The following SESN1 variants were observed in gnomAD, a reference collection of about 807,000 sequenced individuals.
The protein encoded by SESN1 is sestrin-1.
SESN1 carries 30 observed loss-of-function variants against 59.3 expected under a neutral mutation model. The observed-to-expected ratio is 0.51, with a 90% confidence interval of 0.38 to 0.69. The LOEUF (loss-of-function observed/expected upper bound fraction) is 0.69. Ranked by LOEUF, SESN1 falls within the 30% of genes least tolerant of loss-of-function variation. The probability of loss-of-function intolerance (pLI) is 0.00; values close to 1 mark genes in which losing one functional copy is unlikely to be tolerated. For missense variants in SESN1, 566 were observed against 673.0 expected, an observed-to-expected ratio of 0.84 and a Z score of 1.76; for synonymous variants, 197 against 219.9, an observed-to-expected ratio of 0.90 and a Z score of 0.92.
At position 108,998,569 on chromosome 6, in the gene SESN1, T is replaced by C. The variant is rs1779547880; in HGVS notation, c.916A>G (p.Thr306Ala). ...TCATCCACACTGTGATTGCCATTTG[T>C]AATGTCACAGATGCAGTAGTTGCTA... ...SVSNYCICDI[T>A]NGNHSVDEMP... is the part of the protein sequence containing the mutation. The change falls in exon 5 of 10, where the codon ACA becomes GCA. Residue 306 changes from threonine (T) to alanine (A), a missense_variant. Thr to Ala is a moderately conservative substitution (Grantham distance 58, BLOSUM62 0). Transcript: ENST00000436639. 6.2e-7 allele frequency: 1 copy of C among 1,613,850 alleles called. No individual in the cohort carries two copies.
chr6:109,007,407 C>G (rs1779754171), intron 1 of SESN1, among the ~76,000 whole-genome samples: 1 of 152,158 alleles, frequency 6.6e-6, no homozygotes, highest in Admixed American at 6.5e-5. Context: ...TACCCACCTG[C>G]AAAATTAGTT....
chr6:109,026,262 A>T (rs1050282513), intron 1 of SESN1, among the ~76,000 whole-genome samples: 1 of 152,220 alleles, frequency 6.6e-6, no homozygotes, highest in Non-Finnish European at 1.5e-5. Context: ...CAGATCCTCA[A>T]CTGAAGGAGT....
chr6:109,029,654 G>C (rs2114390558), intron 1 of SESN1, among the ~76,000 whole-genome samples: 1 of 152,194 alleles, frequency 6.6e-6, no homozygotes, highest in South Asian at 2.1e-4. Flanking sequence ...TCCTGTCTTA[G>C]CCTCCCAAGT....
chr6:109,068,103 T>TG (rs1002575954), intron 1 of SESN1, among the ~76,000 whole-genome samples: 29 of 152,064 alleles, frequency 1.9e-4, no homozygotes, highest in South Asian at 1.2e-3. Context: ...CCCTGAAGTT[T>TG]GGGGGGGACA....
At chr6:109,044,876 A>T (rs187248380) in intron 1 of SESN1, among the ~76,000 whole-genome samples, 40 of 152,276 alleles carry the variant, frequency 2.6e-4, no homozygotes, top group African/African-American at 7.2e-4. Flanking sequence ...ATACAAAATT[A>T]GCTGAGCGTG....
chr6:109,084,843 ATTTT>A (rs977596580), intron 1 of SESN1, among the ~76,000 whole-genome samples: 28 of 152,098 alleles, frequency 1.8e-4, no homozygotes, highest in Non-Finnish European at 3.2e-4. Flanking sequence ...TTTAACATGA[ATTTT>A]TTTGTTACAA....
intron 1 of SESN1, among the ~76,000 whole-genome samples, chr6:109,015,019 G>T (rs1779910615): frequency 6.6e-6 from 1 of 152,124 alleles, no homozygotes; most frequent in Non-Finnish European, 1.5e-5. Context: ...CCTGCACACA[G>T]GAGACCCTCA....
At chr6:109,012,803 G>A (rs942479288) in intron 1 of SESN1, among the ~76,000 whole-genome samples, 2 of 151,998 alleles carry the variant, frequency 1.3e-5, no homozygotes, top group South Asian at 2.1e-4. Flanking sequence ...GGAGAGTAAC[G>A]GAAGGAGTTT....
At chr6:109,075,905 G>A (rs1050226291) in intron 1 of SESN1, among the ~76,000 whole-genome samples, 6 of 152,056 alleles carry the variant, frequency 3.9e-5, no homozygotes, top group Middle Eastern at 3.2e-3. Flanking sequence ...CTTTTTCCTC[G>A]GCTTGTGGAA....
intron 1 of SESN1, among the ~76,000 whole-genome samples, chr6:109,046,892 G>T (rs1298655690): frequency 8.1e-6 from 1 of 122,996 alleles, no homozygotes; most frequent in African/African-American, 3.0e-5. Context: ...TCCGGCAGCT[G>T]CCCCGTCTGA....
intron 4 of SESN1, chr6:109,000,262 A>G (rs1779587505): frequency 2.8e-6 from 1 of 352,190 alleles, no homozygotes; most frequent in Non-Finnish European, 5.1e-6. Context: ...AGAACGATAC[A>G]ATGCAAAGAC....
At chr6:109,075,254 G>A (rs1781013608) in intron 1 of SESN1, among the ~76,000 whole-genome samples, 1 of 152,200 alleles carries the variant, frequency 6.6e-6, no homozygotes, top group Admixed American at 6.5e-5. Flanking sequence ...GAGATAGGTT[G>A]TTAGGGTAAT....
chr6:109,028,562 T>TGC (rs1000297313), intron 1 of SESN1, among the ~76,000 whole-genome samples: 40 of 152,302 alleles, frequency 2.6e-4, no homozygotes, highest in African/African-American at 8.7e-4. Context: ...CAGAGACCAG[T>TGC]GCCTTTCTTC....
At chr6:109,002,901 ACT>A (rs1013133745) in intron 1 of SESN1, among the ~76,000 whole-genome samples, 2 of 151,888 alleles carry the variant, frequency 1.3e-5, no homozygotes, top group Non-Finnish European at 2.9e-5. Context: ...TTTTAGAGAA[ACT>A]CATTTTGTTT....
At chr6:109,009,537 CTCAG>C (rs1779815462) in intron 1 of SESN1, 1 of 1,152,616 alleles carries the variant, frequency 8.7e-7, no homozygotes, top group Admixed American at 5.1e-5. Context: ...GCTGCAGCGC[CTCAG>C]TCAGCACGGA....
At chr6:109,052,600 CT>C (rs1780558781) in intron 1 of SESN1, among the ~76,000 whole-genome samples, 1 of 152,212 alleles carries the variant, frequency 6.6e-6, no homozygotes, top group South Asian at 2.1e-4. Context: ...TCATTATGTA[CT>C]TTTTAAATGT....
chr6:109,090,873 G>A (rs1185337341), intron 1 of SESN1, among the ~76,000 whole-genome samples: 1 of 152,136 alleles, frequency 6.6e-6, no homozygotes, highest in Non-Finnish European at 1.5e-5. Flanking sequence ...GGGCTCAAGC[G>A]ATCCTCCTGC....
Position 109,064,903 on chromosome 6 carries a change from G to A in SESN1, c.279+28892C>T, listed in dbSNP as rs74417867. On this transcript the variant is annotated intron_variant, in intron 1 of 9. Transcript: ENST00000436639. Reference sequence around the variant, plus strand: ...CAACAGCAACAATAACCAGTCCTCTGTTTTACTTTCTACACCCTCTAGTTG... The same window carrying A: ...CAACAGCAACAATAACCAGTCCTCTATTTTACTTTCTACACCCTCTAGTTG... 7.8e-3 allele frequency among the ~76,000 whole-genome samples: 1,191 copies of A among 152,126 alleles called. 21 individuals are homozygous for A. Among genetic ancestry groups the A allele is most frequent in the African/African-American group, 0.028 (1,144 of 41,496 alleles).
intron 6 of SESN1, 193 bp from the exon 7 acceptor site, chr6:108,993,092 T>C (rs1779423485): frequency 3.9e-6 from 2 of 517,188 alleles, no homozygotes; most frequent in Non-Finnish European, 6.8e-6. Flanking sequence ...TTTTCTGTTA[T>C]AAAATGAAAA....
Sources: allele counts gnomAD v4.1 joint callset (sites outside exome capture counted in the v4.1 genomes callset), GRCh38; gene constraint gnomAD v4.1.1; transcripts MANE v1.5; gene names NCBI Gene and HGNC (gene_info 2026-07-23, HGNC 2026-07-21).